PPP1R9A: variants seen among roughly 807,000 people sequenced by gnomAD.
PPP1R9A encodes the protein neurabin-1.
A neutral mutation model predicts 141.9 loss-of-function variants in PPP1R9A; 59 were observed. The observed-to-expected ratio is 0.42, with a 90% CI of 0.34 to 0.52. The LOEUF is 0.52. Among genes scored for constraint, PPP1R9A ranks in the 20% least tolerant of loss-of-function variants. The pLI is 0.10. For synonymous variants in PPP1R9A, 500 were observed against 569.7 expected, an observed-to-expected ratio of 0.88 and a Z score of 1.74; for missense variants, 1,444 against 1,611.9, an observed-to-expected ratio of 0.90 and a Z score of 1.78.
chr7:95,269,067 A>G, intron 13 of PPP1R9A, 140 bp from the exon 14 acceptor site: 2 of 754,662 alleles, frequency 2.7e-6, no homozygotes, highest in Non-Finnish European at 4.1e-6. Context: ...GGTATGAACC[A>G]TGCATTCTCA....
chr7:95,058,050 G>A (rs1811729063), intron 2 of PPP1R9A, among the ~76,000 whole-genome samples: 1 of 152,146 alleles, frequency 6.6e-6, no homozygotes, highest in African/African-American at 2.4e-5. Context: ...TCTGAAGTTT[G>A]TAACTGGAGA....
chr7:95,284,205 A>G lies in PPP1R9A; in HGVS notation c.3484A>G (p.Lys1162Glu), dbSNP rs1197851446. 1.1e-5 allele frequency: 18 copies of G among 1,573,700 alleles called. No individual in the cohort carries two copies. The highest frequency in any genetic ancestry group is 1.6e-5 in the Non-Finnish European group (18 of 1,156,474). The change falls in exon 17 of 20, where the codon AAG becomes GAG. Residue 1162 changes from lysine (K) to glutamate (E), a missense_variant. Lys to Glu is a moderately conservative substitution (Grantham distance 56). Coordinates refer to ENST00000433360, the MANE Select transcript of PPP1R9A (RefSeq NM_001166160.2). ...PSPETLISDKKGSKVENTWIT... is the reference protein window; with the variant it reads ...PSPETLISDKEGSKVENTWIT... Reference sequence around the variant, plus strand: ...TCCTGAGACTCTAATTTCAGATAAAAAGGGGTCCAAGGTAGAAAACACATG... The same window carrying G: ...TCCTGAGACTCTAATTTCAGATAAAGAGGGGTCCAAGGTAGAAAACACATG...
rs537292110 is a variant in PPP1R9A, at chr7:95,094,794, C to T, written c.1396-16465C>T. On this transcript the variant is annotated intron_variant, in intron 2 of 19. Transcript: ENST00000433360. ...ACTTGGGAGGCTGAGGCAGGAGAAT[C>T]GCTTGAACCTGGGAGGCAGAGGTTC... Among the ~76,000 whole-genome samples, 42 of 146,112 alleles carry T rather than the reference C, an allele frequency of 2.9e-4. No homozygotes were observed. The South Asian group carries it at 7.8e-3, about 27-fold the overall frequency.
At chr7:95,075,264 A>T (rs1391772561) in intron 2 of PPP1R9A, among the ~76,000 whole-genome samples, 1 of 152,186 alleles carries the variant, frequency 6.6e-6, no homozygotes, top group African/African-American at 2.4e-5. Context: ...ACAGGATCAC[A>T]TTTAAAAAGA....
rs1791372217 is a variant in PPP1R9A, at chr7:94,910,889, C to T, written c.776C>T (p.Pro259Leu). The T allele has an allele frequency of 1.2e-6, 2 of 1,614,002 alleles. No homozygotes were observed. The highest frequency in any genetic ancestry group is 1.6e-4 in the Middle Eastern group (1 of 6,062). ...CACCTGAAGGATTCTAATTCCTGGC[C>T]TCCTTCAAACAAGCGAGGTGTTGAT... ...FGHLKDSNSW[P>L]PSNKRGVDTE... Residue 259 changes from proline (P) to leucine (L), a missense_variant, in exon 2 of 20, where the codon CCT becomes CTT. By Grantham distance (98) the Pro-to-Leu change is moderately conservative. Coordinates refer to ENST00000433360, the MANE Select transcript of PPP1R9A (RefSeq NM_001166160.2). This position sits in a 1 kb window ranked among gnomAD's most constrained non-coding sequence, Gnocchi z 4.5.
At chr7:95,145,679 T>G (rs1827480026) in intron 4 of PPP1R9A, among the ~76,000 whole-genome samples, 2 of 152,258 alleles carry the variant, frequency 1.3e-5, no homozygotes, top group South Asian at 4.1e-4. Flanking sequence ...GGCCCTGGTG[T>G]GTGATGTTCC....
At chr7:95,230,310 A>G (rs1795747114) in intron 8 of PPP1R9A, among the ~76,000 whole-genome samples, 2 of 152,178 alleles carry the variant, frequency 1.3e-5, no homozygotes, top group African/African-American at 4.8e-5. Flanking sequence ...CCAAACCAAG[A>G]TGAAATCTCT....
chr7:95,029,720 G>A (rs755406219), intron 2 of PPP1R9A, among the ~76,000 whole-genome samples: 1 of 152,148 alleles, frequency 6.6e-6, no homozygotes, highest in Non-Finnish European at 1.5e-5. Context: ...ATAAATCCCA[G>A]GGAAGAAAAT....
intron 4 of PPP1R9A, among the ~76,000 whole-genome samples, chr7:95,136,598 T>C (rs944632101): frequency 6.6e-6 from 1 of 152,186 alleles, no homozygotes; most frequent in Non-Finnish European, 1.5e-5. Context: ...TATGTGATTG[T>C]GGGAAAGAGA....
At chr7:94,963,989 C>A (rs551278313) in intron 2 of PPP1R9A, among the ~76,000 whole-genome samples, 4 of 152,236 alleles carry the variant, frequency 2.6e-5, no homozygotes, top group Admixed American at 6.5e-5. Context: ...TATATTCCAA[C>A]TGAAGAGGGT....
At chr7:95,041,001 G>T (rs1340478693) in intron 2 of PPP1R9A, among the ~76,000 whole-genome samples, 1 of 152,142 alleles carries the variant, frequency 6.6e-6, no homozygotes, top group Admixed American at 6.6e-5. Context: ...TCTGAGAGGA[G>T]ATATCCCATG....
chr7:95,209,020 A>G (rs1791520106), intron 7 of PPP1R9A, among the ~76,000 whole-genome samples: 1 of 151,348 alleles, frequency 6.6e-6, no homozygotes, highest in African/African-American at 2.4e-5. Flanking sequence ...AGAGTAAGCA[A>G]CTGAAATGGA....
intron 2 of PPP1R9A, among the ~76,000 whole-genome samples, chr7:94,912,877 A>G (rs1454591089): frequency 1.3e-5 from 2 of 151,992 alleles, no homozygotes; most frequent in Non-Finnish European, 2.9e-5. Context: ...CTTTGTGATT[A>G]TCTCCTCCTG....
chr7:95,003,040 A>G (rs905884445), intron 2 of PPP1R9A, among the ~76,000 whole-genome samples: 2 of 152,170 alleles, frequency 1.3e-5, no homozygotes, highest in African/African-American at 2.4e-5. Flanking sequence ...AGACACTTGT[A>G]AAGGATAAGT....
chr7:95,275,570 T>C (rs1803018839), intron 16 of PPP1R9A, among the ~76,000 whole-genome samples: 3 of 151,728 alleles, frequency 2.0e-5, no homozygotes, highest in Admixed American at 2.0e-4. Context: ...TCCAACATAC[T>C]ATGCCACCTT....
chr7:94,940,807 T>C (rs1795259264), intron 2 of PPP1R9A, among the ~76,000 whole-genome samples: 1 of 152,064 alleles, frequency 6.6e-6, no homozygotes, highest in South Asian at 2.1e-4. Flanking sequence ...TATTTTATTT[T>C]TTAGAATAGG....
chr7:94,928,618 T>C (rs1411625542), intron 2 of PPP1R9A, among the ~76,000 whole-genome samples: 4 of 152,212 alleles, frequency 2.6e-5, no homozygotes, highest in Admixed American at 1.3e-4. Flanking sequence ...CCTACAGTCA[T>C]AGGCTGACTA....
chr7:94,954,731 G>C (rs1341403470), intron 2 of PPP1R9A, among the ~76,000 whole-genome samples: 1 of 144,554 alleles, frequency 6.9e-6, no homozygotes, highest in African/African-American at 2.6e-5. Context: ...TGATTTTTTT[G>C]AGTTTTTCCT....
At position 95,161,890 on chromosome 7, in the gene PPP1R9A, T is replaced by C; in HGVS notation, c.1673T>C (p.Val558Ala). 6.2e-7 allele frequency: 1 copy of C among 1,609,820 alleles called. No homozygotes were observed. ...DGRIQVNDQI[V>A]EVDGISLVGV... ...AGAATACAAGTCAATGACCAGATTG[T>C]GGAAGTGGATGGAATCAGCTTGGTG... is the stretch of plus-strand genomic sequence containing the variant. The change falls in exon 5 of 20, where the codon GTG (valine) becomes GCG (alanine). Residue 558 changes from valine (V) to alanine (A), a missense_variant. Around this residue, in one of 5 missense-constraint regions of PPP1R9A, gnomAD observed 488 missense variants for 542.0 expected, o/e 0.90. Coordinates refer to ENST00000433360, the MANE Select transcript of PPP1R9A (RefSeq NM_001166160.2).
Sources: gnomAD v4.1 joint callset for allele counts (sites outside exome capture counted in the v4.1 genomes callset) on GRCh38, gnomAD v4.1.1 for gene constraint, gnomAD v4.1.1 regional missense constraint, Gnocchi (gnomAD v3.1) non-coding constraint, MANE v1.5 for transcripts, NCBI Gene and HGNC (gene_info 2026-07-23, HGNC 2026-07-21) for gene names.